The following ZNF605 variants were observed in gnomAD, a reference collection of about 807,000 sequenced individuals.
ZNF605 encodes zinc finger protein 605.
A neutral mutation model predicts 7.9 loss-of-function variants in ZNF605; 9 were observed. The observed-to-expected ratio is 1.14, with a 90% CI of 0.68 to 1.98. ZNF605 has a LOEUF of 1.98. ZNF605 is among the 30% of genes most tolerant of loss of function. The pLI is 0.00. For synonymous variants in ZNF605, 255 were observed against 260.1 expected, an observed-to-expected ratio of 0.98 and a Z score of 0.19; for missense variants, 673 against 762.4, an observed-to-expected ratio of 0.88 and a Z score of 1.38.
At position 132,925,373 on chromosome 12, in the gene ZNF605, T is replaced by A; in HGVS notation, c.1926A>T (p.Ter642TyrextTer3). Residue 642 changes from the stop codon to tyrosine (Y), a stop_lost, in exon 5 of 5, where the codon TAA becomes TAT. Transcript: ENST00000360187. ...LMIHQRNHII* is the reference protein window; with the variant it reads ...LMIHQRNHIIY ...TCTGCATTCGCCAAAGTCATGATTT[T>A]TATATTATATGATTTCTCTGATGTA... 2 of 1,568,110 alleles carry A rather than the reference T, an allele frequency of 1.3e-6. No individual in the cohort carries two copies. Among genetic ancestry groups the A allele is most frequent in the Non-Finnish European group, 1.7e-6 (2 of 1,157,770 alleles).
Position 132,926,069 on chromosome 12 carries a change from T to C in ZNF605, c.1230A>G (p.Arg410=). 5 of 1,614,210 alleles carry C rather than the reference T, an allele frequency of 3.1e-6. No homozygotes were observed. The highest frequency in any genetic ancestry group is 4.2e-6 in the Non-Finnish European group (5 of 1,180,034). The change falls in exon 5 of 5, where the codon AGA becomes AGG. Residue 410 remains arginine, a synonymous_variant. Transcript: ENST00000360187. The part of the protein sequence containing the change: ...EAFFKKSELI[R]HQKIHLGEKP... ...TCTCTCCTAAGTGAATTTTTTGATG[T>C]CTTATTAACTCTGACTTCTTAAAGA...
chr12:132,926,917 A>G lies in ZNF605; in HGVS notation c.382T>C (p.Leu128=). The G allele has an allele frequency of 1.2e-6, 2 of 1,612,590 alleles. No individual in the cohort carries two copies. Among genetic ancestry groups the G allele is most frequent in the Non-Finnish European group, 1.7e-6 (2 of 1,179,384 alleles). ...KKIDELNKKL[L]FCIKPGRTHG... ...GTTCTGCCAGGTTTGATACAGAACA[A>G]TAATTTCTTATTGAGTTCATCAATT... Residue 128 remains leucine (L), a synonymous_variant, in exon 5 of 5, where the codon TTG becomes CTG. Transcript: ENST00000360187.
chr12:132,949,519 C>T (rs2137161501), intron 1 of ZNF605, among the ~76,000 whole-genome samples: 1 of 152,246 alleles, frequency 6.6e-6, no homozygotes, highest in Non-Finnish European at 1.5e-5. Flanking sequence ...ATTCCTTTGT[C>T]GCCACCGGAC....
At chr12:132,951,377 C>A (rs965821907) in intron 1 of ZNF605, among the ~76,000 whole-genome samples, 23 of 148,118 alleles carry the variant, frequency 1.6e-4, no homozygotes, top group Non-Finnish European at 2.4e-4. Flanking sequence ...GTACATCACA[C>A]ATATACGTAC....
At chr12:132,947,139 A>G (rs1952502516) in intron 2 of ZNF605, among the ~76,000 whole-genome samples, 1 of 151,626 alleles carries the variant, frequency 6.6e-6, no homozygotes, top group African/African-American at 2.4e-5. Flanking sequence ...CAGACTCCCA[A>G]GTAGCTGGGA....
intron 2 of ZNF605, 69 bp from the exon 3 acceptor site, chr12:132,945,866 C>T (rs1416411490): frequency 1.6e-5 from 10 of 641,608 alleles, no homozygotes; most frequent in African/African-American, 1.3e-4. Flanking sequence ...TTGGTGTTCT[C>T]TTGCTGGGAG....
chr12:132,954,066 C>T (rs1319738214), intron 1 of ZNF605, among the ~76,000 whole-genome samples: 3 of 151,934 alleles, frequency 2.0e-5, no homozygotes, highest in African/African-American at 7.3e-5. Flanking sequence ...CAACGATGTA[C>T]ACTGGACCCT....
At chr12:132,953,579 A>G (rs1204308197) in intron 1 of ZNF605, among the ~76,000 whole-genome samples, 1 of 151,986 alleles carries the variant, frequency 6.6e-6, no homozygotes, top group Non-Finnish European at 1.5e-5. Context: ...GGCGCCCACC[A>G]CCATGCCCAG....
rs1049876405 is a variant in ZNF605, at chr12:132,922,325, T to A, written c.*3048A>T. ...GTAAAAGACTTCATAAGTCTTTCTATTACTGAAGAGGAGCTTAGTAATAAC... is the reference window on the plus strand; with the variant it reads ...GTAAAAGACTTCATAAGTCTTTCTAATACTGAAGAGGAGCTTAGTAATAAC... On this transcript the variant is annotated 3_prime_UTR_variant, in exon 5 of 5. Transcript: ENST00000360187. 6.6e-6 allele frequency: 1 copy of A among 152,262 alleles called. No homozygotes were observed. 9.4% of individuals were successfully genotyped at this position (152,262 alleles called of 1,614,324 possible).
chr12:132,944,241 G>GGCGTCTTGCTCCGTCACCCAGGCTGGAGT (rs1952475649), intron 3 of ZNF605, among the ~76,000 whole-genome samples: 7 of 150,984 alleles, frequency 4.6e-5, no homozygotes, highest in East Asian at 1.9e-4. Flanking sequence ...TTTTTGAGAC[G>GGCGTCTTGCTCCGTCACCCAGGCTGGAGT]GCGTCTTGCT....
At chr12:132,953,704 T>C (rs995608385) in intron 1 of ZNF605, among the ~76,000 whole-genome samples, 13 of 151,926 alleles carry the variant, frequency 8.6e-5, no homozygotes, top group South Asian at 2.1e-4. Flanking sequence ...GGATTACAGG[T>C]GTGAGCCACG....
chr12:132,925,215 CTCTT>C lies in ZNF605; in HGVS notation c.*154_*157del. 3.6e-6 allele frequency: 2 copies of C among 548,358 alleles called. No homozygotes were observed. Among genetic ancestry groups the C allele is most frequent in the Non-Finnish European group, 6.2e-6 (2 of 323,148 alleles). 34.0% of individuals were successfully genotyped at this position (548,358 alleles called of 1,614,324 possible). ...TACACTGTTTGCTTTTTAAAAACTTCTCTTTCTAAATTCTGCTTAGTGACTCTTG... is the reference window on the plus strand; with the variant it reads ...TACACTGTTTGCTTTTTAAAAACTTCTCTAAATTCTGCTTAGTGACTCTTG... On this transcript the variant is annotated 3_prime_UTR_variant, in exon 5 of 5. Transcript: ENST00000360187.
chr12:132,946,405 T>G (rs2137156845), intron 2 of ZNF605, among the ~76,000 whole-genome samples: 1 of 152,324 alleles, frequency 6.6e-6, no homozygotes, highest in East Asian at 1.9e-4. Context: ...GGCGTGGGTC[T>G]GAGGCTGAGC....
intron 2 of ZNF605, among the ~76,000 whole-genome samples, chr12:132,947,451 T>G (rs1952505979): frequency 6.6e-6 from 1 of 152,066 alleles, no homozygotes. Context: ...TAGCTGGGAC[T>G]ATAGGTGTAC....
chr12:132,949,496 C>T (rs1374322040), intron 1 of ZNF605, among the ~76,000 whole-genome samples: 12 of 152,300 alleles, frequency 7.9e-5, no homozygotes, highest in South Asian at 2.1e-4. Flanking sequence ...GCACTCTTAA[C>T]CTGTCTCTTC....
rs370185789 is a variant in ZNF605 at position 132,930,679 on chromosome 12, A to T, written c.136+2356T>A. 2.3e-4 allele frequency among the ~76,000 whole-genome samples: 35 copies of T among 152,326 alleles called. 1 individual carries two copies. The East Asian group carries it at 5.2e-3, about 23-fold the overall frequency. On this transcript the variant is annotated intron_variant, in intron 4 of 4. Coordinates refer to ENST00000360187, the MANE Select transcript of ZNF605 (RefSeq NM_183238.4). ...TTTTATGGTTTTATATTGTCTTCTA[A>T]ATTAAAATCCTATAAAGTTATTTCA...
chr12:132,951,799 TCA>T (rs1952572970), intron 1 of ZNF605, among the ~76,000 whole-genome samples: 1 of 151,024 alleles, frequency 6.6e-6, no homozygotes, highest in African/African-American at 2.4e-5. Context: ...CACATGTACA[TCA>T]CACATCACAC....
chr12:132,951,191 C>G (rs919420902), intron 1 of ZNF605, among the ~76,000 whole-genome samples: 2 of 151,078 alleles, frequency 1.3e-5, no homozygotes, highest in African/African-American at 4.9e-5. Flanking sequence ...CACAGACATG[C>G]ACACACACTC....
chr12:132,944,925 C>T (rs1593598446), intron 3 of ZNF605: 1 of 155,718 alleles, frequency 6.4e-6, no homozygotes, highest in African/African-American at 2.4e-5. Context: ...CTGGAAATAA[C>T]AGAAAAGCTT....
Sources: allele counts gnomAD v4.1 joint callset (sites outside exome capture counted in the v4.1 genomes callset), GRCh38; gene constraint gnomAD v4.1.1; transcripts MANE v1.5; gene names NCBI Gene and HGNC (gene_info 2026-07-23, HGNC 2026-07-21).